MYO10: variants seen among roughly 807,000 people sequenced by gnomAD.
MYO10 encodes myosin X.
A neutral mutation model predicts 257.3 loss-of-function variants in MYO10; 133 were observed. The observed-to-expected ratio is 0.52, with a 90% CI of 0.45 to 0.60. The LOEUF is 0.60. MYO10 is among the 20% of genes least tolerant of loss of function. MYO10 has a pLI of 0.00. For synonymous variants in MYO10, 1,104 were observed against 1,028.6 expected (o/e 1.07, Z -1.40); for missense variants, 2,399 against 2,635.7 (o/e 0.91, Z 1.97).
At chr5:16,713,228 G>C in intron 19 of MYO10, 1 of 812,064 alleles carries the variant, frequency 1.2e-6, no homozygotes, top group Non-Finnish European at 1.5e-6. Context: ...AGTCTCTATA[G>C]AACAAAGTCT....
chr5:16,751,706 C>G (rs548464675), intron 19 of MYO10, among the ~76,000 whole-genome samples: 3 of 151,442 alleles, frequency 2.0e-5, no homozygotes, highest in African/African-American at 7.3e-5. Flanking sequence ...AGGCTGGTCT[C>G]CAATTCCGCC....
At chr5:16,730,155 G>A (rs369835660) in intron 19 of MYO10, among the ~76,000 whole-genome samples, 3 of 152,310 alleles carry the variant, frequency 2.0e-5, no homozygotes, top group African/African-American at 4.8e-5. Context: ...TGTAGCTATG[G>A]CAACCATTTT....
chr5:16,904,615 CCCA>C (rs895634366), intron 1 of MYO10, among the ~76,000 whole-genome samples: 2 of 152,206 alleles, frequency 1.3e-5, no homozygotes, highest in Admixed American at 6.5e-5. Context: ...AACCCCTCAC[CCCA>C]CAACATCTGG....
intron 1 of MYO10, among the ~76,000 whole-genome samples, chr5:16,912,849 C>CACACACACACACACACACACACA (rs57618587): frequency 2.7e-5 from 4 of 148,524 alleles, no homozygotes; most frequent in African/African-American, 5.0e-5. Flanking sequence ...CACACACACA[C>CACACACACACACACACACACACA]CATGGTACCT....
In MYO10 at chr5:16,882,412, G is replaced by C. The variant is rs1354046244; in HGVS notation, c.22-4705C>G. On this transcript the variant is annotated intron_variant, in intron 1 of 40. Transcript: ENST00000513610. ...ATATGTCCCAACAATTTAACTCCTAGTTGTTTACTCAAAAAAAAATTTTTT... is the reference window on the plus strand; with the variant it reads ...ATATGTCCCAACAATTTAACTCCTACTTGTTTACTCAAAAAAAAATTTTTT... Among the ~76,000 whole-genome samples, 3 of 151,998 alleles carry C rather than the reference G, an allele frequency of 2.0e-5. No individual in the cohort carries two copies. The East Asian group carries it at 5.8e-4, about 29-fold the overall frequency.
chr5:16,762,292 C>T (rs975478916), intron 15 of MYO10, among the ~76,000 whole-genome samples, 179 bp from the exon 16 acceptor site: 18 of 152,070 alleles, frequency 1.2e-4, no homozygotes, highest in African/African-American at 3.6e-4. Flanking sequence ...TGTTAACTCT[C>T]GATTGTGTCA....
chr5:16,882,574 A>T (rs555296226), intron 1 of MYO10, among the ~76,000 whole-genome samples: 10 of 141,358 alleles, frequency 7.1e-5, no homozygotes, highest in South Asian at 6.4e-4. Context: ...TATTTAAATT[A>T]AAAAAAAAAA....
At position 16,681,913 on chromosome 5, in the gene MYO10, T is replaced by G; in HGVS notation, c.4147A>C (p.Lys1383Gln). ...HHWITLLQRS[K>Q]GDTRVEGQEF... ...TGGCCCTCCACTCTGGTGTCCCCTT[T>G]GGACCTCTGCAGCAGGGTTATCCAG... Residue 1383 changes from lysine to glutamine, a missense_variant, in exon 31 of 41, where the codon AAA (lysine) becomes CAA (glutamine). Transcript: ENST00000513610. 7 of 1,614,022 alleles carry G rather than the reference T, an allele frequency of 4.3e-6. No homozygotes were observed. The highest frequency in any genetic ancestry group is 5.9e-6 in the Non-Finnish European group (7 of 1,179,896).
rs545837163 is a variant in MYO10, at chr5:16,710,815, T to C, written c.2169+93A>G. On this transcript the variant is annotated intron_variant, in intron 21 of 40. Coordinates refer to ENST00000513610, the MANE Select transcript of MYO10 (RefSeq NM_012334.3). The stretch of plus-strand genomic sequence containing the variant: ...TATCTTCCCAATGTGAAAGAACAAT[T>C]GTATAGCGGTGTCATAGAGCCCTAA... 5.1e-5 allele frequency: 52 copies of C among 1,023,220 alleles called. 1 individual carries two copies. In the South Asian group the frequency reaches 6.5e-4, roughly 13 times the overall value. 63.4% of individuals were successfully genotyped at this position (1,023,220 alleles called of 1,614,324 possible). A position where few individuals can be genotyped will look rare whatever the true frequency, so the allele number is the denominator to read the frequency against.
In MYO10 at chr5:16,836,722, T is replaced by C. The variant is rs77105747; in HGVS notation, c.121-18555A>G. Among the ~76,000 whole-genome samples, 1,177 of 152,332 alleles carry C rather than the reference T, an allele frequency of 7.7e-3. 16 individuals are homozygous for C. Among genetic ancestry groups the C allele is most frequent in the African/African-American group, 0.027 (1,116 of 41,572 alleles). The stretch of plus-strand genomic sequence containing the variant: ...TAGTTGTATTTATGCCTTTTAAATA[T>C]ATATGAGTTAACTCATGGCTGGTGG... On this transcript the variant is annotated intron_variant, in intron 2 of 40. Transcript: ENST00000513610.
At chr5:16,854,078 G>C (rs1217307092) in intron 2 of MYO10, 1 of 152,158 alleles carries the variant, frequency 6.6e-6, no homozygotes, top group Non-Finnish European at 1.5e-5. Context: ...TTAATACTCG[G>C]ATGGGAAACA....
chr5:16,798,764 T>G (rs1176489694), intron 3 of MYO10, among the ~76,000 whole-genome samples: 1 of 152,192 alleles, frequency 6.6e-6, no homozygotes, highest in Non-Finnish European at 1.5e-5. Context: ...TTTTCCCTAC[T>G]GTGACAGGAC....
chr5:16,766,824 C>A (rs1282749078), intron 10 of MYO10, among the ~76,000 whole-genome samples: 1 of 142,438 alleles, frequency 7.0e-6, no homozygotes, highest in Non-Finnish European at 1.5e-5. Flanking sequence ...GGCTGGAGTA[C>A]GGTGGCATGA....
chr5:16,810,836 C>T (rs983037900), intron 3 of MYO10, among the ~76,000 whole-genome samples: 13 of 151,912 alleles, frequency 8.6e-5, no homozygotes, highest in African/African-American at 2.9e-4. Flanking sequence ...TTTGAGAGGC[C>T]AAGGCGGGTG....
intron 30 of MYO10, 116 bp downstream of exon 30, chr5:16,683,764 C>T: frequency 1.0e-6 from 1 of 1,004,504 alleles, no homozygotes; most frequent in Non-Finnish European, 1.5e-6. Context: ...GGTGGGAACA[C>T]ACAGCCTTGC....
chr5:16,934,240 G>C (rs920343310), intron 1 of MYO10, among the ~76,000 whole-genome samples: 1 of 152,272 alleles, frequency 6.6e-6, no homozygotes, highest in Non-Finnish European at 1.5e-5. Context: ...CTAGGGGGCA[G>C]AGTTCTCCCC....
intron 2 of MYO10, among the ~76,000 whole-genome samples, chr5:16,821,746 G>A (rs1213076115): frequency 2.6e-5 from 4 of 151,744 alleles, no homozygotes; most frequent in Non-Finnish European, 5.9e-5. Flanking sequence ...GATTACAGGC[G>A]TGAGCCACCG....
In MYO10 at chr5:16,829,891, ACACACACACACG is replaced by A. The variant is rs200090342; in HGVS notation, c.121-11736_121-11725del. Among the ~76,000 whole-genome samples, 1,018 of 150,782 alleles carry A rather than the reference ACACACACACACG, an allele frequency of 6.8e-3. 7 individuals are homozygous for A. Among genetic ancestry groups the A allele is most frequent in the Middle Eastern group, 0.017 (5 of 294 alleles). Reference sequence around the variant, plus strand: ...CAGTTGGAAGGAACGGCTAATACACACACACACACACGCACACGCACACGCACACAAGAATAT... The same window carrying A: ...CAGTTGGAAGGAACGGCTAATACACACACACGCACACGCACACAAGAATAT... On this transcript the variant is annotated intron_variant, in intron 2 of 40. Transcript: ENST00000513610.
At chr5:16,925,205 C>G (rs1037210124) in intron 1 of MYO10, among the ~76,000 whole-genome samples, 1 of 152,096 alleles carries the variant, frequency 6.6e-6, no homozygotes, top group African/African-American at 2.4e-5. Flanking sequence ...TTACACTTAA[C>G]AAATGTTTTG....
Sources: allele counts gnomAD v4.1 joint callset (sites outside exome capture counted in the v4.1 genomes callset), GRCh38; gene constraint gnomAD v4.1.1; transcripts MANE v1.5; gene names NCBI Gene and HGNC (gene_info 2026-07-23, HGNC 2026-07-21).